The following SPTBN1 variants were observed in gnomAD, a reference collection of about 807,000 sequenced individuals.
SPTBN1 encodes the protein spectrin beta chain, non-erythrocytic 1.
A neutral mutation model predicts 266.4 loss-of-function variants in SPTBN1; 32 were observed. That is an observed-to-expected ratio of 0.12 (90% CI 0.09 to 0.16). The LOEUF (loss-of-function observed/expected upper bound fraction) is 0.16. SPTBN1 is among the 10% of genes least tolerant of loss of function. The probability of loss-of-function intolerance (pLI) is 1.00; values close to 1 mark genes in which losing one functional copy is unlikely to be tolerated. For missense variants in SPTBN1, 2,296 were observed against 3,067.1 expected (o/e 0.75, Z 5.94); for synonymous variants, 1,336 against 1,162.2 (o/e 1.15, Z -3.04).
At chr2:54,613,468 G>A (rs914995935) in intron 4 of SPTBN1, among the ~76,000 whole-genome samples, 3 of 152,132 alleles carry the variant, frequency 2.0e-5, no homozygotes, top group African/African-American at 4.8e-5. Flanking sequence ...AGTTAGTGTC[G>A]TGATTATATA....
At chr2:54,526,337 A>G in intron 1 of SPTBN1, 35 bp from the exon 2 acceptor site, 1 of 1,555,308 alleles carries the variant, frequency 6.4e-7, no homozygotes, top group Non-Finnish European at 8.7e-7. Context: ...TATACACTTC[A>G]GACGTCTAAA....
rs1334690772 is a variant in SPTBN1 at position 54,649,575 on chromosome 2, A to G, written c.5203-40A>G. On this transcript the variant is annotated intron_variant, in intron 25 of 35. Transcript: ENST00000356805. This position sits in a 1 kb window ranked among gnomAD's most constrained non-coding sequence, Gnocchi z 6.7. Reference sequence around the variant, plus strand: ...CATGTGATCAAGAAATACAGAGTTCACAGTGGGCTCTCTGATTTCCTTACC... The same window carrying G: ...CATGTGATCAAGAAATACAGAGTTCGCAGTGGGCTCTCTGATTTCCTTACC... 6.3e-7 allele frequency: 1 copy of G among 1,593,072 alleles called. No individual in the cohort carries two copies. Among genetic ancestry groups the G allele is most frequent in the Non-Finnish European group, 8.6e-7 (1 of 1,165,906 alleles).
chr2:54,538,411 A>G (rs1045503198), intron 2 of SPTBN1, among the ~76,000 whole-genome samples: 1 of 152,236 alleles, frequency 6.6e-6, no homozygotes, highest in Non-Finnish European at 1.5e-5. Context: ...GTACAGTGAT[A>G]TAAGTACTCT....
intron 2 of SPTBN1, among the ~76,000 whole-genome samples, chr2:54,547,218 A>G (rs1287333244): frequency 6.6e-6 from 1 of 152,088 alleles, no homozygotes; most frequent in Non-Finnish European, 1.5e-5. Context: ...GAATCATGTA[A>G]TATTTGTTTT....
chr2:54,655,199 A>C lies in SPTBN1; in HGVS notation c.5952A>C (p.Ala1984=). The part of the protein sequence containing the change: ...GKSLLARKHY[A]SEEIKEKLLQ... Reference sequence around the variant, plus strand: ...CCCTGTTGGCGAGAAAACACTATGCATCTGAGGAGGTAGGTTGCTACTTTG... The same window carrying C: ...CCCTGTTGGCGAGAAAACACTATGCCTCTGAGGAGGTAGGTTGCTACTTTG... The change falls in exon 28 of 36, where the codon GCA becomes GCC. Residue 1984 remains alanine (A), a synonymous_variant. Coordinates refer to ENST00000356805, the MANE Select transcript of SPTBN1 (RefSeq NM_003128.3). 2 of 1,613,422 alleles carry C rather than the reference A, an allele frequency of 1.2e-6. No homozygotes were observed. Among genetic ancestry groups the C allele is most frequent in the Non-Finnish European group, 1.7e-6 (2 of 1,179,750 alleles).
chr2:54,488,974 T>G (rs75162206), intron 1 of SPTBN1, among the ~76,000 whole-genome samples: 1 of 151,886 alleles, frequency 6.6e-6, no homozygotes, highest in South Asian at 2.1e-4. Context: ...AAAATAACTT[T>G]TAATGCTGGG....
chr2:54,608,268 C>T (rs1236676034), intron 3 of SPTBN1, among the ~76,000 whole-genome samples: 2 of 152,128 alleles, frequency 1.3e-5, no homozygotes, highest in Non-Finnish European at 2.9e-5. Context: ...GTAATAAGAG[C>T]AATAAATGAA....
rs761563775 is a variant in SPTBN1, at chr2:54,664,476, C to T, written c.6444C>T (p.Ser2148=). 70 of 1,612,922 alleles carry T rather than the reference C, an allele frequency of 4.3e-5. No homozygotes were observed. The highest frequency in any genetic ancestry group is 2.3e-4 in the Admixed American group (14 of 59,968). ...AGATGGCAGAAACGGTGGACACAAG[C>T]GAAATGGTCAACGGCGCTACAGAAC... is the stretch of plus-strand genomic sequence containing the variant. ...SPRMAETVDT[S]EMVNGATEQR... is the part of the protein sequence containing the mutation. The change falls in exon 33 of 36, where the codon AGC becomes AGT. Residue 2148 remains serine, a synonymous_variant. Transcript: ENST00000356805. This position sits in a 1 kb window ranked among gnomAD's most constrained non-coding sequence, Gnocchi z 5.6.
At position 54,644,528 on chromosome 2, in the gene SPTBN1, A is replaced by G. The variant is rs1679796762; in HGVS notation, c.4211A>G (p.Gln1404Arg). The change falls in exon 20 of 36, where the codon CAG becomes CGG. Residue 1404 changes from glutamine (Q) to arginine (R), a missense_variant. This residue lies in a region of SPTBN1 where 386 missense variants were observed against 486.1 expected (regional missense o/e 0.79). Transcript: ENST00000356805. ...KWLHGLESQI[Q>R]SDDYGKDLTS... ...CTGCACGGCCTGGAGAGTCAGATTC[A>G]GTCTGATGACTATGGCAAAGACCTG... 2 of 1,613,954 alleles carry G rather than the reference A, an allele frequency of 1.2e-6. No individual in the cohort carries two copies. Among genetic ancestry groups the G allele is most frequent in the Non-Finnish European group, 1.7e-6 (2 of 1,179,920 alleles).
rs779243189 is a variant in SPTBN1, at chr2:54,624,943, A to G, written c.1322A>G (p.Asn441Ser). The G allele has an allele frequency of 6.2e-7, 1 of 1,606,622 alleles. No individual in the cohort carries two copies. Among genetic ancestry groups the G allele is most frequent in the Non-Finnish European group, 8.5e-7 (1 of 1,176,570 alleles). ...ATGAGGGAGACTTGGCTGAGCGAAA[A>G]CCAGCGTCTGGTGTCTCAGGTTCTG... ...AAMRETWLSE[N>S]QRLVSQDNFG... Residue 441 changes from asparagine (N) to serine (S), a missense_variant, in exon 11 of 36, where the codon AAC becomes AGC. Coordinates refer to ENST00000356805, the MANE Select transcript of SPTBN1 (RefSeq NM_003128.3).
At chr2:54,556,747 A>C (rs1672906103) in intron 2 of SPTBN1, among the ~76,000 whole-genome samples, 1 of 152,010 alleles carries the variant, frequency 6.6e-6, no homozygotes, top group Non-Finnish European at 1.5e-5. Flanking sequence ...ATATACTCTT[A>C]ATTTTGAAAG....
chr2:54,664,762 G>C lies in SPTBN1; in HGVS notation c.6659+71G>C, dbSNP rs1037779427. On this transcript the variant is annotated intron_variant, in intron 33 of 35. Transcript: ENST00000356805. This position sits in a 1 kb window ranked among gnomAD's most constrained non-coding sequence, Gnocchi z 5.6. ...TGAAGGGATAAGGCGGGCCACTCTT[G>C]AATTGGAAGAGAAGTATGTGCTCAT... The C allele has an allele frequency of 1.2e-5, 17 of 1,458,130 alleles. No individual in the cohort carries two copies. Among genetic ancestry groups the C allele is most frequent in the Non-Finnish European group, 1.6e-5 (17 of 1,057,212 alleles). 90.3% of individuals were successfully genotyped at this position (1,458,130 alleles called of 1,614,324 possible).
chr2:54,588,206 C>G (rs1314641590), intron 2 of SPTBN1, among the ~76,000 whole-genome samples: 1 of 152,180 alleles, frequency 6.6e-6, no homozygotes, highest in Non-Finnish European at 1.5e-5. Context: ...TCTTCCTCCT[C>G]CTTTTAACCA....
intron 32 of SPTBN1, chr2:54,661,431 A>T: frequency 1.0e-6 from 1 of 985,738 alleles, no homozygotes; most frequent in Non-Finnish European, 1.2e-6. Context: ...TTATTTCATG[A>T]TGCATGTCTT....
At chr2:54,569,786 A>T (rs1295334496) in intron 2 of SPTBN1, among the ~76,000 whole-genome samples, 1 of 152,190 alleles carries the variant, frequency 6.6e-6, no homozygotes, top group East Asian at 1.9e-4. Flanking sequence ...CCTGGTACAT[A>T]ATAAGGGCTC....
At chr2:54,565,589 C>G (rs1197237390) in intron 2 of SPTBN1, among the ~76,000 whole-genome samples, 2 of 152,132 alleles carry the variant, frequency 1.3e-5, no homozygotes, top group African/African-American at 4.8e-5. Flanking sequence ...AGCAAGGCAT[C>G]AAGGTTAGTT....
rs111962173 is a variant in SPTBN1 at position 54,579,761 on chromosome 2, A to C, written c.149-19331A>C. Among the ~76,000 whole-genome samples the C allele has an allele frequency of 3.6e-3, 546 of 152,354 alleles. 5 individuals are homozygous for C. Among genetic ancestry groups the C allele is most frequent in the African/African-American group, 0.013 (532 of 41,592 alleles). On this transcript the variant is annotated intron_variant, in intron 2 of 35. Coordinates refer to ENST00000356805, the MANE Select transcript of SPTBN1 (RefSeq NM_003128.3). Reference sequence around the variant, plus strand: ...GAGAATGTAGGAACCAGTTTTAGCCAATGCATTAAGACTAAAATGACTCTA... The same window carrying C: ...GAGAATGTAGGAACCAGTTTTAGCCCATGCATTAAGACTAAAATGACTCTA...
chr2:54,537,783 G>A (rs1041671298), intron 2 of SPTBN1, among the ~76,000 whole-genome samples: 1 of 152,164 alleles, frequency 6.6e-6, no homozygotes, highest in East Asian at 1.9e-4. Context: ...CAGGAAACAT[G>A]GCTGCCATCT....
chr2:54,644,858 G>A (rs937775188), intron 20 of SPTBN1, among the ~76,000 whole-genome samples: 3 of 152,146 alleles, frequency 2.0e-5, no homozygotes, highest in African/African-American at 2.4e-5. Flanking sequence ...TATTATCACC[G>A]TTTAACAGTT....
Sources: gnomAD v4.1 joint callset for allele counts (sites outside exome capture counted in the v4.1 genomes callset) on GRCh38, gnomAD v4.1.1 for gene constraint, gnomAD v4.1.1 regional missense constraint, Gnocchi (gnomAD v3.1) non-coding constraint, MANE v1.5 for transcripts, NCBI Gene and HGNC (gene_info 2026-07-23, HGNC 2026-07-21) for gene names.